Variants in STIM1 observed in about 807,000 individuals in gnomAD.
STIM1 encodes the protein stromal interaction molecule 1.
STIM1 carries 25 observed loss-of-function variants against 74.7 expected under a neutral mutation model. The ratio of observed to expected loss-of-function variants is 0.33; its 90% CI spans 0.24 to 0.47. The LOEUF (loss-of-function observed/expected upper bound fraction) is 0.47. Ranked by LOEUF, STIM1 falls within the 20% of genes least tolerant of loss-of-function variation. The pLI, the probability that STIM1 is intolerant of heterozygous loss-of-function variation, is 1.00. For missense variants in STIM1, 728 were observed against 920.8 expected, an observed-to-expected ratio of 0.79 and a Z score of 2.71; for synonymous variants, 328 against 348.8, an observed-to-expected ratio of 0.94 and a Z score of 0.66.
At chr11:3,908,540 A>T (rs2092506559) in intron 1 of STIM1, among the ~76,000 whole-genome samples, 1 of 149,656 alleles carries the variant, frequency 6.7e-6, no homozygotes, top group African/African-American at 2.5e-5. Flanking sequence ...TGAACCTGGG[A>T]GGTGGAGCTT....
chr11:3,976,395 T>A (rs931774381), intron 2 of STIM1, among the ~76,000 whole-genome samples: 11 of 152,168 alleles, frequency 7.2e-5, no homozygotes, highest in South Asian at 4.1e-4. Context: ...GGGGAGGTTT[T>A]GACTACAAGG....
At position 4,010,319 on chromosome 11, in the gene STIM1, T is replaced by C. The variant is rs182912017; in HGVS notation, c.271-13554T>C. Among the ~76,000 whole-genome samples, 329 of 152,090 alleles carry C rather than the reference T, an allele frequency of 2.2e-3. 1 individual carries two copies. The highest frequency in any genetic ancestry group is 7.4e-3 in the African/African-American group (307 of 41,478). On this transcript the variant is annotated intron_variant, in intron 2 of 12. Coordinates refer to ENST00000526596, the MANE Select transcript of STIM1 (RefSeq NM_001382567.1). Reference sequence around the variant, plus strand: ...CCAAGTAGCTGGGATTGCAGGTGTGTGCCATCCTGCCTAGCTGATTTTTGT... The same window carrying C: ...CCAAGTAGCTGGGATTGCAGGTGTGCGCCATCCTGCCTAGCTGATTTTTGT...
chr11:3,991,184 T>C (rs2093607695), intron 2 of STIM1, among the ~76,000 whole-genome samples: 1 of 150,800 alleles, frequency 6.6e-6, no homozygotes, highest in Non-Finnish European at 1.5e-5. Context: ...TTTTTTTTTT[T>C]TTTTGAGTCA....
intron 2 of STIM1, chr11:3,972,881 C>T (rs1252380048): frequency 4.1e-6 from 2 of 490,156 alleles, no homozygotes; most frequent in Non-Finnish European, 8.1e-6. Flanking sequence ...GTATAGAATC[C>T]AGAGCTTCTG....
intron 2 of STIM1, among the ~76,000 whole-genome samples, chr11:4,015,166 A>T (rs2093883518): frequency 6.6e-6 from 1 of 152,024 alleles, no homozygotes. Context: ...ACAATTTGGC[A>T]TATTTTTGCA....
intron 1 of STIM1, among the ~76,000 whole-genome samples, chr11:3,874,114 G>A (rs1293953658): frequency 6.6e-6 from 1 of 152,174 alleles, no homozygotes; most frequent in Non-Finnish European, 1.5e-5. Context: ...TAAATCTACA[G>A]TGATGTAATG....
intron 2 of STIM1, among the ~76,000 whole-genome samples, chr11:4,018,392 C>T (rs2093920555): frequency 1.6e-5 from 2 of 126,586 alleles, no homozygotes; most frequent in African/African-American, 5.9e-5. Context: ...GCGGAGCTTG[C>T]AGTGAGCCGA....
chr11:4,031,833 C>CT, intron 3 of STIM1, among the ~76,000 whole-genome samples: 1 of 152,290 alleles, frequency 6.6e-6, no homozygotes, highest in Non-Finnish European at 1.5e-5. Context: ...TCCTATCAGT[C>CT]TTTTAACAGT....
chr11:3,910,077 A>G (rs542377337), intron 1 of STIM1, among the ~76,000 whole-genome samples: 1 of 152,256 alleles, frequency 6.6e-6, no homozygotes, highest in South Asian at 2.1e-4. Flanking sequence ...AGAGGGAAGA[A>G]TTTTAGGGCA....
intron 2 of STIM1, among the ~76,000 whole-genome samples, chr11:4,017,519 G>T (rs2093909869): frequency 6.6e-6 from 1 of 152,112 alleles, no homozygotes; most frequent in African/African-American, 2.4e-5. Context: ...TCTATTTCTT[G>T]TTGATTTCCT....
intron 3 of STIM1, among the ~76,000 whole-genome samples, chr11:4,024,468 C>T (rs1270742828): frequency 6.6e-6 from 1 of 152,170 alleles, no homozygotes; most frequent in African/African-American, 2.4e-5. Flanking sequence ...GTTGAAAGCT[C>T]CTGAGTCTTC....
chr11:3,932,404 T>C (rs2092876645), intron 1 of STIM1, among the ~76,000 whole-genome samples: 1 of 152,170 alleles, frequency 6.6e-6, no homozygotes, highest in Non-Finnish European at 1.5e-5. Flanking sequence ...GGCTCACGCC[T>C]GTAATCCCAG....
intron 1 of STIM1, chr11:3,947,544 A>G (rs1303855510): frequency 6.6e-6 from 1 of 152,068 alleles, no homozygotes; most frequent in Non-Finnish European, 1.5e-5. Flanking sequence ...TGTTTTTTCC[A>G]CATACTCCAT....
intron 2 of STIM1, among the ~76,000 whole-genome samples, chr11:4,005,561 A>G (rs1256097448): frequency 1.7e-5 from 2 of 117,464 alleles, no homozygotes; most frequent in Non-Finnish European, 3.3e-5. Context: ...GGGGAACATC[A>G]CACTCTGGGG....
chr11:3,977,858 G>GT (rs553917693), intron 2 of STIM1, among the ~76,000 whole-genome samples: 1 of 152,058 alleles, frequency 6.6e-6, no homozygotes, highest in Non-Finnish European at 1.5e-5. Context: ...CTAAAGCCAT[G>GT]TTTTTTTCTC....
At chr11:3,982,551 C>T (rs191422984) in intron 2 of STIM1, among the ~76,000 whole-genome samples, 58 of 152,284 alleles carry the variant, frequency 3.8e-4, no homozygotes, top group African/African-American at 1.3e-3. Flanking sequence ...TATGCTGTCT[C>T]ATATAATCCT....
At chr11:4,002,771 A>G (rs1199047917) in intron 2 of STIM1, among the ~76,000 whole-genome samples, 2 of 149,500 alleles carry the variant, frequency 1.3e-5, no homozygotes, top group East Asian at 1.9e-4. Context: ...GACACAAAAA[A>G]CCCTTCAAAA....
At chr11:3,977,932 C>A (rs2093464203) in intron 2 of STIM1, among the ~76,000 whole-genome samples, 1 of 152,104 alleles carries the variant, frequency 6.6e-6, no homozygotes, top group African/African-American at 2.4e-5. Flanking sequence ...TCAGCTCTAT[C>A]ACCATCCCAT....
At chr11:3,917,591 T>C (rs919376862) in intron 1 of STIM1, among the ~76,000 whole-genome samples, 11 of 152,120 alleles carry the variant, frequency 7.2e-5, no homozygotes, top group African/African-American at 2.2e-4. Flanking sequence ...CATGCCACCA[T>C]GTCTGGATAA....
Sources: allele counts gnomAD v4.1 joint callset (sites outside exome capture counted in the v4.1 genomes callset), GRCh38; gene constraint gnomAD v4.1.1; transcripts MANE v1.5; gene names NCBI Gene and HGNC (gene_info 2026-07-23, HGNC 2026-07-21).